The following COL19A1 variants were observed in gnomAD, a reference collection of about 807,000 sequenced individuals.
The protein encoded by COL19A1 is collagen alpha-1(XIX) chain.
A neutral mutation model predicts 190.2 loss-of-function variants in COL19A1; 159 were observed. The ratio of observed to expected loss-of-function variants is 0.84; its 90% CI spans 0.73 to 0.95. The LOEUF (loss-of-function observed/expected upper bound fraction) is 0.95. COL19A1 is among the 40% of genes least tolerant of loss of function. The pLI is 0.00. For synonymous variants in COL19A1, 509 were observed against 458.9 expected (o/e 1.11, Z -1.39); for missense variants, 1,418 against 1,431.9 (o/e 0.99, Z 0.16).
chr6:69,884,909 T>C (rs943759307), intron 2 of COL19A1, among the ~76,000 whole-genome samples: 12 of 150,738 alleles, frequency 8.0e-5, no homozygotes, highest in Non-Finnish European at 1.3e-4. Flanking sequence ...CAAGCTGGAG[T>C]GCAGTGGCGC....
chr6:70,029,168 G>C (rs1778889857), intron 12 of COL19A1, among the ~76,000 whole-genome samples: 2 of 152,020 alleles, frequency 1.3e-5, no homozygotes, highest in Non-Finnish European at 2.9e-5. Flanking sequence ...CATTGCTAGG[G>C]AATAACATTA....
At chr6:69,955,426 T>C (rs1472114034) in intron 9 of COL19A1, among the ~76,000 whole-genome samples, 1 of 152,064 alleles carries the variant, frequency 6.6e-6, no homozygotes, top group Non-Finnish European at 1.5e-5. Flanking sequence ...TTAAGGATTG[T>C]AGTTGACTAC....
At chr6:69,878,003 T>G (rs768337188) in intron 1 of COL19A1, among the ~76,000 whole-genome samples, 4 of 151,412 alleles carry the variant, frequency 2.6e-5, no homozygotes, top group East Asian at 3.9e-4. Context: ...AGAGCAAAAC[T>G]CTGTCTCCAA....
chr6:69,913,862 A>G (rs999678640), intron 4 of COL19A1, among the ~76,000 whole-genome samples: 1 of 152,108 alleles, frequency 6.6e-6, no homozygotes, highest in African/African-American at 2.4e-5. Flanking sequence ...AGGACCTCCC[A>G]GGCTGATCCT....
At chr6:70,108,866 G>A (rs1308277522) in intron 16 of COL19A1, among the ~76,000 whole-genome samples, 1 of 151,858 alleles carries the variant, frequency 6.6e-6, no homozygotes, top group Non-Finnish European at 1.5e-5. Context: ...TACCTTTAAA[G>A]CATGAATCAT....
intron 11 of COL19A1, among the ~76,000 whole-genome samples, chr6:69,969,885 A>G (rs1057369814): frequency 6.6e-6 from 1 of 152,148 alleles, no homozygotes; most frequent in East Asian, 1.9e-4. Context: ...TCATCTTCCA[A>G]CAGTTATCCT....
At chr6:69,927,855 A>G in intron 4 of COL19A1, 54 bp from the exon 5 acceptor site, 1 of 1,561,244 alleles carries the variant, frequency 6.4e-7, no homozygotes, top group South Asian at 1.2e-5. Flanking sequence ...CCTAGATTTT[A>G]TTTTCTTGCA....
At chr6:70,061,201 A>G (rs2150141852) in intron 14 of COL19A1, among the ~76,000 whole-genome samples, 1 of 152,186 alleles carries the variant, frequency 6.6e-6, no homozygotes, top group Non-Finnish European at 1.5e-5. Context: ...CAGTTGATTG[A>G]TCTGTGTTTT....
intron 4 of COL19A1, among the ~76,000 whole-genome samples, chr6:69,919,162 C>T (rs929659682): frequency 1.3e-5 from 2 of 152,200 alleles, no homozygotes; most frequent in Non-Finnish European, 2.9e-5. Context: ...GATTTGTTCT[C>T]TCTCTGTGTC....
chr6:69,930,795 T>C (rs1233317023), intron 6 of COL19A1, among the ~76,000 whole-genome samples: 1 of 152,106 alleles, frequency 6.6e-6, no homozygotes, highest in African/African-American at 2.4e-5. Flanking sequence ...CAAGACTTTG[T>C]CTCAAAAAAC....
At chr6:69,996,409 G>A (rs1004431085) in intron 11 of COL19A1, among the ~76,000 whole-genome samples, 1 of 152,052 alleles carries the variant, frequency 6.6e-6, no homozygotes, top group Non-Finnish European at 1.5e-5. Context: ...TTGACTGCCA[G>A]AGACATAATC....
At chr6:70,048,684 G>A (rs1780032611) in intron 14 of COL19A1, among the ~76,000 whole-genome samples, 1 of 151,750 alleles carries the variant, frequency 6.6e-6, no homozygotes, top group Admixed American at 6.6e-5. Context: ...GTAATTTAAA[G>A]TTATTTACTT....
intron 15 of COL19A1, among the ~76,000 whole-genome samples, chr6:70,069,644 C>T (rs1444508515): frequency 6.6e-6 from 1 of 152,136 alleles, no homozygotes; most frequent in Admixed American, 6.6e-5. Context: ...TGAGCCAATG[C>T]TCCTTTGTCT....
intron 48 of COL19A1, among the ~76,000 whole-genome samples, chr6:70,192,494 T>C (rs1456770256): frequency 6.8e-6 from 1 of 146,748 alleles, no homozygotes; most frequent in Non-Finnish European, 1.5e-5. Context: ...TCTCTCTCTC[T>C]TTCTTTCTTT....
intron 11 of COL19A1, among the ~76,000 whole-genome samples, chr6:70,017,842 A>G (rs1187960894): frequency 6.6e-6 from 1 of 152,152 alleles, no homozygotes; most frequent in African/African-American, 2.4e-5. Flanking sequence ...GATGGTGGTC[A>G]CCCAAGACCT....
intron 41 of COL19A1, among the ~76,000 whole-genome samples, chr6:70,173,346 AG>A (rs1254474156): frequency 6.6e-6 from 1 of 152,176 alleles, no homozygotes; most frequent in Non-Finnish European, 1.5e-5. Flanking sequence ...GAATGCCAAT[AG>A]AGTTTTTAGA....
Position 69,900,239 on chromosome 6 carries a change from G to A in COL19A1, c.167G>A (p.Gly56Asp). The change falls in exon 4 of 51, where the codon GGT (glycine) becomes GAT (aspartate). Residue 56 changes from glycine to aspartate, a missense_variant and splice_region_variant. Coordinates refer to ENST00000620364, the MANE Select transcript of COL19A1 (RefSeq NM_001858.6). ...TTGAATCATCTGTTACATTTTACAG[G>A]TTTTGATCTAGGAGACAGCTTTTCT... is the stretch of plus-strand genomic sequence containing the variant. The part of the protein sequence containing the change: ...YDNINKLEVS[G>D]FDLGDSFSLR... The A allele has an allele frequency of 1.3e-6, 2 of 1,562,736 alleles. No individual in the cohort carries two copies. The highest frequency in any genetic ancestry group is 1.7e-6 in the Non-Finnish European group (2 of 1,152,888).
chr6:69,938,005 T>C (rs941535837), intron 8 of COL19A1, 33 bp from the exon 9 acceptor site: 2 of 1,605,562 alleles, frequency 1.2e-6, no homozygotes, highest in African/African-American at 2.7e-5. Flanking sequence ...TGTGACAGAA[T>C]GTTTGCTAAC....
chr6:69,962,900 TAA>T, intron 11 of COL19A1, 30 bp downstream of exon 11: 1 of 1,550,136 alleles, frequency 6.5e-7, no homozygotes, highest in Non-Finnish European at 8.8e-7. Context: ...TTCACATCTG[TAA>T]AAAGAAATTG....
Sources: gnomAD v4.1 joint callset for allele counts (sites outside exome capture counted in the v4.1 genomes callset) on GRCh38, gnomAD v4.1.1 for gene constraint, MANE v1.5 for transcripts, NCBI Gene and HGNC (gene_info 2026-07-23, HGNC 2026-07-21) for gene names.